CDH13: variants seen among roughly 807,000 people sequenced by gnomAD.
CDH13 encodes cadherin 13.
In CDH13, 24 loss-of-function variants were observed where a neutral mutation model predicts 63.8. That is an observed-to-expected ratio of 0.38 (90% CI 0.27 to 0.53). The LOEUF is 0.53. CDH13 is among the 20% of genes least tolerant of loss of function. CDH13 has a pLI of 0.85. For synonymous variants in CDH13, 503 were observed against 355.3 expected, an observed-to-expected ratio of 1.42 and a Z score of -4.67; for missense variants, 1,049 against 903.1, an observed-to-expected ratio of 1.16 and a Z score of -2.07.
At chr16:82,933,617 C>G (rs780855726) in intron 2 of CDH13, among the ~76,000 whole-genome samples, 4 of 152,146 alleles carry the variant, frequency 2.6e-5, no homozygotes, top group Non-Finnish European at 4.4e-5. Flanking sequence ...AAGTCCAAGT[C>G]CATAGTCTGA....
chr16:82,998,448 C>G (rs1169911318), intron 2 of CDH13, among the ~76,000 whole-genome samples: 5 of 151,972 alleles, frequency 3.3e-5, no homozygotes, highest in African/African-American at 9.7e-5. Flanking sequence ...GTAACTTTTT[C>G]TTTTTCTGGA....
At chr16:83,025,146 A>G (rs995247816) in intron 2 of CDH13, among the ~76,000 whole-genome samples, 2 of 152,228 alleles carry the variant, frequency 1.3e-5, no homozygotes, top group Non-Finnish European at 2.9e-5. Flanking sequence ...ATGGAGCAAC[A>G]AGCTCTGTCC....
At chr16:83,720,531 G>A (rs189337752) in intron 10 of CDH13, among the ~76,000 whole-genome samples, 9 of 152,172 alleles carry the variant, frequency 5.9e-5, no homozygotes, top group East Asian at 5.8e-4. Context: ...TTCCTTGAGC[G>A]TAGGAGTTCG....
intron 6 of CDH13, among the ~76,000 whole-genome samples, chr16:83,371,569 G>A (rs956178031): frequency 1.2e-4 from 18 of 152,160 alleles, no homozygotes; most frequent in Middle Eastern, 3.2e-3. Context: ...TTATTTTGAT[G>A]TACAACTAAG....
intron 5 of CDH13, among the ~76,000 whole-genome samples, chr16:83,295,120 C>A (rs2089560181): frequency 6.6e-6 from 1 of 152,028 alleles, no homozygotes; most frequent in Admixed American, 6.6e-5. Flanking sequence ...ATCAAGAACA[C>A]ACAATGGGGG....
At chr16:82,913,964 G>A (rs576611867) in intron 2 of CDH13, among the ~76,000 whole-genome samples, 2 of 151,826 alleles carry the variant, frequency 1.3e-5, no homozygotes, top group South Asian at 2.1e-4. Context: ...ACAGCGCTGG[G>A]GGATGTAGAC....
chr16:83,033,201 A>T (rs1916534929), intron 3 of CDH13, among the ~76,000 whole-genome samples: 1 of 152,018 alleles, frequency 6.6e-6, no homozygotes, highest in Non-Finnish European at 1.5e-5. Context: ...CAACCTACTC[A>T]TGCTCCTCCT....
chr16:83,309,947 A>G (rs1229225593), intron 5 of CDH13, among the ~76,000 whole-genome samples: 1 of 152,226 alleles, frequency 6.6e-6, no homozygotes, highest in African/African-American at 2.4e-5. Context: ...GCATAAAGGA[A>G]TAGCAAAACA....
chr16:83,441,193 A>G (rs2072470480), intron 6 of CDH13, among the ~76,000 whole-genome samples: 1 of 152,238 alleles, frequency 6.6e-6, no homozygotes, highest in Non-Finnish European at 1.5e-5. Flanking sequence ...GATCTTCCAG[A>G]GACTCCTCTC....
intron 6 of CDH13, among the ~76,000 whole-genome samples, chr16:83,376,661 C>T (rs991493599): frequency 1.3e-5 from 2 of 152,012 alleles, no homozygotes; most frequent in Non-Finnish European, 2.9e-5. Flanking sequence ...AGATGGTGAG[C>T]ATGAGACATG....
In CDH13 at chr16:83,478,365, T is replaced by C. The variant is rs74563173; in HGVS notation, c.782-8112T>C. On this transcript the variant is annotated intron_variant, in intron 6 of 13. Coordinates refer to ENST00000567109, the MANE Select transcript of CDH13 (RefSeq NM_001257.5). ...TGGGCACTGGGTGAGTAGGTGAGCT[T>C]CTCACTCCTGGCCCAGCTCCCAGTC... Among the ~76,000 whole-genome samples, 528 of 152,198 alleles carry C rather than the reference T, an allele frequency of 3.5e-3. 1 individual carries two copies. Among genetic ancestry groups the C allele is most frequent in the African/African-American group, 0.012 (498 of 41,530 alleles).
chr16:82,795,493 G>A (rs577438965), intron 1 of CDH13, among the ~76,000 whole-genome samples: 20 of 152,236 alleles, frequency 1.3e-4, no homozygotes, highest in South Asian at 6.2e-4. Context: ...TTCAAGGCTC[G>A]TTACCATGCC....
At chr16:83,541,323 A>G (rs541869616) in intron 7 of CDH13, among the ~76,000 whole-genome samples, 47 of 152,334 alleles carry the variant, frequency 3.1e-4, no homozygotes, top group Non-Finnish European at 4.6e-4. Flanking sequence ...AGCTATGGAA[A>G]TATGATCACT....
At chr16:83,355,644 G>A (rs551662068) in intron 6 of CDH13, among the ~76,000 whole-genome samples, 18 of 152,282 alleles carry the variant, frequency 1.2e-4, no homozygotes, top group East Asian at 9.6e-4. Flanking sequence ...AGTACCTGCC[G>A]TATACCAGGT....
intron 7 of CDH13, among the ~76,000 whole-genome samples, chr16:83,547,204 G>C (rs2075401556): frequency 6.6e-6 from 1 of 152,204 alleles, no homozygotes; most frequent in African/African-American, 2.4e-5. Flanking sequence ...AAGCTAAGAA[G>C]GAAAGGCAAA....
At position 82,808,035 on chromosome 16, in the gene CDH13, G is replaced by C. The variant is rs72805981; in HGVS notation, c.46-50327G>C. ...GCAGTTCTTACTGAGCTCTAGGCAA[G>C]GGGCAAAATGGGGAGGAGAGAGTGT... On this transcript the variant is annotated intron_variant, in intron 1 of 13. Transcript: ENST00000567109. Among the ~76,000 whole-genome samples, 730 of 152,280 alleles carry C rather than the reference G, an allele frequency of 4.8e-3. 3 individuals carry two copies. Among genetic ancestry groups the C allele is most frequent in the Non-Finnish European group, 8.2e-3 (560 of 68,010 alleles).
At chr16:83,191,873 T>A (rs2038726349) in intron 4 of CDH13, among the ~76,000 whole-genome samples, 1 of 152,192 alleles carries the variant, frequency 6.6e-6, no homozygotes, top group Middle Eastern at 3.4e-3. Context: ...GACACAAATG[T>A]TCATCTCCTT....
chr16:83,484,489 T>C (rs1445967203), intron 6 of CDH13, among the ~76,000 whole-genome samples: 1 of 152,250 alleles, frequency 6.6e-6, no homozygotes, highest in Non-Finnish European at 1.5e-5. Flanking sequence ...GCAATACAAT[T>C]GCTATTGTCA....
At chr16:83,670,657 T>G in intron 8 of CDH13, 133 bp from the exon 9 acceptor site, 2 of 844,486 alleles carry the variant, frequency 2.4e-6, no homozygotes, top group East Asian at 2.7e-5. Flanking sequence ...CATAGTATCT[T>G]CCAACCGTAA....
Sources: allele counts gnomAD v4.1 joint callset (sites outside exome capture counted in the v4.1 genomes callset), GRCh38; gene constraint gnomAD v4.1.1; transcripts MANE v1.5; gene names NCBI Gene and HGNC (gene_info 2026-07-23, HGNC 2026-07-21).